The following IQGAP2 variants were observed in gnomAD, a reference collection of about 807,000 sequenced individuals.
The protein encoded by IQGAP2 is IQ motif containing GTPase activating protein 2.
IQGAP2 carries 173 observed loss-of-function variants against 201.3 expected under a neutral mutation model. The observed-to-expected ratio is 0.86, with a 90% CI of 0.76 to 0.98. IQGAP2 has a LOEUF of 0.98. Among genes scored for constraint, IQGAP2 ranks in the 50% least tolerant of loss-of-function variants. The pLI, the probability that IQGAP2 is intolerant of heterozygous loss-of-function variation, is 0.00. For missense variants in IQGAP2, 1,687 were observed against 1,864.8 expected (o/e 0.90, Z 1.76); for synonymous variants, 675 against 673.9 (o/e 1.00, Z -0.03).
At chr5:76,628,066 C>T (rs916703740) in intron 14 of IQGAP2, among the ~76,000 whole-genome samples, 4 of 152,168 alleles carry the variant, frequency 2.6e-5, no homozygotes, top group African/African-American at 9.7e-5. Context: ...TTTACAAACC[C>T]AGAACCCCTC....
At chr5:76,557,599 T>C (rs963303282) in intron 2 of IQGAP2, among the ~76,000 whole-genome samples, 18 of 152,362 alleles carry the variant, frequency 1.2e-4, no homozygotes, top group African/African-American at 4.1e-4. Flanking sequence ...TGGAAAACTT[T>C]CTTTTTAGCA....
chr5:76,499,382 A>G (rs1757154536), intron 2 of IQGAP2, among the ~76,000 whole-genome samples: 1 of 152,196 alleles, frequency 6.6e-6, no homozygotes, highest in Non-Finnish European at 1.5e-5. Context: ...TTCTTAAGCA[A>G]TATTAAAAGT....
At chr5:76,523,253 T>G (rs1451575438) in intron 2 of IQGAP2, among the ~76,000 whole-genome samples, 1 of 151,164 alleles carries the variant, frequency 6.6e-6, no homozygotes, top group East Asian at 1.9e-4. Context: ...CTCTGCTAAT[T>G]TAAAAAAAAA....
intron 2 of IQGAP2, among the ~76,000 whole-genome samples, chr5:76,552,681 C>T (rs1265401400): frequency 6.6e-6 from 1 of 152,186 alleles, no homozygotes; most frequent in Non-Finnish European, 1.5e-5. Flanking sequence ...TTCCTCATTT[C>T]TGTCTAAAAT....
chr5:76,410,258 C>G, intron 1 of IQGAP2, among the ~76,000 whole-genome samples: 1 of 152,124 alleles, frequency 6.6e-6, no homozygotes, highest in East Asian at 1.9e-4. Context: ...TGAGGAAGGT[C>G]AGAGGAAAAC....
In IQGAP2 at chr5:76,442,934, G is replaced by T. The variant is rs189176244; in HGVS notation, c.47-18636G>T. Among the ~76,000 whole-genome samples the T allele has an allele frequency of 2.1e-3, 326 of 152,244 alleles. 2 individuals carry two copies. Among genetic ancestry groups the T allele is most frequent in the African/African-American group, 7.4e-3 (309 of 41,544 alleles). ...CCTGGGAGGCAGAGGTTGCAATAAG[G>T]CAAGATCGTGCCACTGCACTCCAGC... On this transcript the variant is annotated intron_variant, in intron 1 of 35. Coordinates refer to ENST00000274364, the MANE Select transcript of IQGAP2 (RefSeq NM_006633.5).
chr5:76,414,637 T>C (rs954223118), intron 1 of IQGAP2, among the ~76,000 whole-genome samples: 2 of 152,132 alleles, frequency 1.3e-5, no homozygotes, highest in African/African-American at 4.8e-5. Flanking sequence ...CTGGGCAACG[T>C]AGCAAGACCT....
At chr5:76,404,167 CCCCCCAA>C (rs1750667723) in intron 1 of IQGAP2, among the ~76,000 whole-genome samples, 1 of 151,874 alleles carries the variant, frequency 6.6e-6, no homozygotes, top group Admixed American at 6.5e-5. Context: ...CCCTCTGAAA[CCCCCCAA>C]CCCCTTTCCC....
chr5:76,685,379 A>C (rs1745646531), intron 30 of IQGAP2, among the ~76,000 whole-genome samples: 1 of 152,156 alleles, frequency 6.6e-6, no homozygotes, highest in South Asian at 2.1e-4. Flanking sequence ...AATGGGAAGA[A>C]ATTTTTTCTT....
chr5:76,604,268 G>T (rs1173690026), intron 11 of IQGAP2, among the ~76,000 whole-genome samples: 1 of 151,812 alleles, frequency 6.6e-6, no homozygotes, highest in African/African-American at 2.4e-5. Flanking sequence ...TGAGAATGAT[G>T]GTTTCCAGCT....
At chr5:76,429,594 ATATG>A (rs200516596) in intron 1 of IQGAP2, among the ~76,000 whole-genome samples, 35,527 of 142,650 alleles carry the variant, frequency 0.25, 6,034 homozygotes, top group Non-Finnish European at 0.36. Flanking sequence ...ATATATATAT[ATATG>A]TATATTTATA....
intron 4 of IQGAP2, among the ~76,000 whole-genome samples, chr5:76,572,154 T>C (rs2150274032): frequency 6.6e-6 from 1 of 152,178 alleles, no homozygotes; most frequent in Non-Finnish European, 1.5e-5. Context: ...CTGTATATGG[T>C]CCTTGAGACC....
At chr5:76,427,004 G>A (rs1698083282) in intron 1 of IQGAP2, among the ~76,000 whole-genome samples, 1 of 146,630 alleles carries the variant, frequency 6.8e-6, no homozygotes, top group Admixed American at 7.0e-5. Flanking sequence ...TGGGTGGTGG[G>A]CACTGAGAGA....
At chr5:76,572,053 A>G (rs1745149851) in intron 4 of IQGAP2, among the ~76,000 whole-genome samples, 1 of 152,098 alleles carries the variant, frequency 6.6e-6, no homozygotes, top group Non-Finnish European at 1.5e-5. Context: ...AACCACTAAT[A>G]TGTTCTCGAT....
At chr5:76,693,785 T>A in intron 31 of IQGAP2, 1 of 172,700 alleles carries the variant, frequency 5.8e-6, no homozygotes, top group East Asian at 1.5e-4. Context: ...AAAATACCTT[T>A]CACATTTTAT....
chr5:76,547,369 A>G, intron 2 of IQGAP2: 1 of 818,566 alleles, frequency 1.2e-6, no homozygotes, highest in Non-Finnish European at 1.5e-6. Flanking sequence ...TGGAATGTCC[A>G]TTATTTAACA....
chr5:76,481,940 G>A (rs1009555670), intron 2 of IQGAP2, among the ~76,000 whole-genome samples: 1 of 152,190 alleles, frequency 6.6e-6, no homozygotes, highest in Non-Finnish European at 1.5e-5. Flanking sequence ...ACAGGGTTGT[G>A]TTTCATGTAT....
At chr5:76,674,894 G>A (rs950062825) in intron 27 of IQGAP2, among the ~76,000 whole-genome samples, 185 bp downstream of exon 27, 1 of 152,132 alleles carries the variant, frequency 6.6e-6, no homozygotes, top group African/African-American at 2.4e-5. Flanking sequence ...TCTGTCTGGC[G>A]ATCCTATCGC....
intron 2 of IQGAP2, among the ~76,000 whole-genome samples, chr5:76,556,582 TC>T (rs1207067715): frequency 3.3e-5 from 5 of 152,148 alleles, no homozygotes; most frequent in African/African-American, 1.2e-4. Flanking sequence ...AAAAAATCAA[TC>T]CAAAGGCTAG....
Sources: gnomAD v4.1 joint callset for allele counts (sites outside exome capture counted in the v4.1 genomes callset) on GRCh38, gnomAD v4.1.1 for gene constraint, MANE v1.5 for transcripts, NCBI Gene and HGNC (gene_info 2026-07-23, HGNC 2026-07-21) for gene names.